GPATCH2L: variants seen among roughly 807,000 people sequenced by gnomAD.
GPATCH2L encodes G-patch domain containing 2 like, also known as G patch domain-containing protein 2-like.
GPATCH2L carries 31 observed loss-of-function variants against 57.4 expected under a neutral mutation model. The observed-to-expected ratio is 0.54, with a 90% CI of 0.41 to 0.73. The LOEUF is 0.73. Among genes scored for constraint, GPATCH2L ranks in the 30% least tolerant of loss-of-function variants. GPATCH2L has a pLI of 0.00. For synonymous variants in GPATCH2L, 199 were observed against 210.7 expected (o/e 0.94, Z 0.48); for missense variants, 481 against 599.9 (o/e 0.80, Z 2.07).
At chr14:76,221,497 G>A (rs2040515179) in intron 1 of GPATCH2L, among the ~76,000 whole-genome samples, 1 of 152,130 alleles carries the variant, frequency 6.6e-6, no homozygotes, top group African/African-American at 2.4e-5. Flanking sequence ...ATGCTTCCTG[G>A]TATTTATCCA....
rs754396466 is a variant in GPATCH2L, at chr14:76,180,867, G to C, written c.1193+18G>C. 3 of 1,468,192 alleles carry C rather than the reference G, an allele frequency of 2.0e-6. No homozygotes were observed. The highest frequency in any genetic ancestry group is 1.1e-5 in the South Asian group (1 of 88,198). The allele number at this position is 1,468,192 out of a possible 1,614,324, so 90.9% of individuals were successfully genotyped here. A position where few individuals can be genotyped will look rare whatever the true frequency, so the allele number is the denominator to read the frequency against. On this transcript the variant is annotated intron_variant, in intron 8 of 9. Coordinates refer to ENST00000261530, the MANE Select transcript of GPATCH2L (RefSeq NM_017926.4). ...TCTGCCAGGTAATTGTCTTTTAGTA[G>C]CGGTTATTTGCTTCTGGACAATACT...
chr14:76,232,114 A>G (rs1208231896), intron 2 of GPATCH2L, among the ~76,000 whole-genome samples: 1 of 82,952 alleles, frequency 1.2e-5, no homozygotes, highest in Non-Finnish European at 2.9e-5. Flanking sequence ...GTCTCACCAT[A>G]TTGCCTAGGC....
chr14:76,222,976 G>GA (rs1314092739), intron 1 of GPATCH2L, among the ~76,000 whole-genome samples: 1 of 147,478 alleles, frequency 6.8e-6, no homozygotes. Flanking sequence ...AAAAAAGAAA[G>GA]AAAAAAAAGT....
At chr14:76,167,525 G>A (rs924000386) in intron 3 of GPATCH2L, among the ~76,000 whole-genome samples, 1 of 152,162 alleles carries the variant, frequency 6.6e-6, no homozygotes, top group Admixed American at 6.5e-5. Flanking sequence ...ATCCAAGTAG[G>A]CTCCCCAGTA....
chr14:76,195,839 A>T (rs1479033797), intron 8 of GPATCH2L, 39 bp from the exon 9 acceptor site: 14 of 1,464,156 alleles, frequency 9.6e-6, no homozygotes, highest in Non-Finnish European at 1.1e-5. Flanking sequence ...AATAAGAATT[A>T]AAAAGTTCAA....
chr14:76,167,445 G>A (rs922032451), intron 3 of GPATCH2L, among the ~76,000 whole-genome samples: 4 of 151,974 alleles, frequency 2.6e-5, no homozygotes, highest in African/African-American at 7.3e-5. Context: ...TTCTCACTCC[G>A]AAGTCCAATA....
At chr14:76,230,976 G>GT (rs1270365886) in intron 2 of GPATCH2L, among the ~76,000 whole-genome samples, 4 of 152,274 alleles carry the variant, frequency 2.6e-5, no homozygotes, top group South Asian at 2.1e-4. Context: ...CCTGTGCCAT[G>GT]TTTTTTTATA....
rs531499346 is a variant in GPATCH2L, at chr14:76,197,665, A to G, written c.1288+1693A>G. Among the ~76,000 whole-genome samples, 30 of 152,172 alleles carry G rather than the reference A, an allele frequency of 2.0e-4. 1 individual carries two copies. Among genetic ancestry groups the G allele is most frequent in the African/African-American group, 6.5e-4 (27 of 41,504 alleles). Reference sequence around the variant, plus strand: ...GGCCATCTCGGATTCCACCTCTTTTATAGGAATGAGTGATGAAGAGAGGTG... The same window carrying G: ...GGCCATCTCGGATTCCACCTCTTTTGTAGGAATGAGTGATGAAGAGAGGTG... On this transcript the variant is annotated intron_variant, in intron 9 of 9. Transcript: ENST00000261530.
At chr14:76,192,761 C>T (rs1333075471) in intron 8 of GPATCH2L, among the ~76,000 whole-genome samples, 1 of 152,104 alleles carries the variant, frequency 6.6e-6, no homozygotes, top group Non-Finnish European at 1.5e-5. Context: ...AAATAGTCCA[C>T]AAAAGTATAT....
At chr14:76,168,586 G>A (rs760478049) in intron 3 of GPATCH2L, among the ~76,000 whole-genome samples, 28 of 152,236 alleles carry the variant, frequency 1.8e-4, no homozygotes, top group South Asian at 4.1e-4. Flanking sequence ...GATGATAGGC[G>A]GCATGGACTT....
At chr14:76,176,573 A>G (rs2039337173) in intron 5 of GPATCH2L, 50 bp from the exon 6 acceptor site, 2 of 1,234,594 alleles carry the variant, frequency 1.6e-6, no homozygotes, top group Non-Finnish European at 1.2e-6. Flanking sequence ...TGTACTTTAT[A>G]TGTTTGTTTC....
chr14:76,183,586 G>A (rs1186323240), intron 8 of GPATCH2L, among the ~76,000 whole-genome samples: 1 of 151,694 alleles, frequency 6.6e-6, no homozygotes, highest in African/African-American at 2.4e-5. Flanking sequence ...TTTTACTCAT[G>A]AGGGTGCACC....
At chr14:76,178,309 G>A (rs1251926742) in intron 7 of GPATCH2L, 15 of 1,345,970 alleles carry the variant, frequency 1.1e-5, no homozygotes, top group South Asian at 1.3e-5. Context: ...AAGCCTAAAC[G>A]TATGGAGCAG....
intron 2 of GPATCH2L, among the ~76,000 whole-genome samples, chr14:76,158,530 T>C (rs2038418096): frequency 6.6e-6 from 1 of 152,176 alleles, no homozygotes; most frequent in Non-Finnish European, 1.5e-5. Flanking sequence ...TAACCAAAGA[T>C]TGGGTGATCA....
chr14:76,222,224 T>G (rs1265441134), intron 1 of GPATCH2L, among the ~76,000 whole-genome samples: 3 of 152,200 alleles, frequency 2.0e-5, no homozygotes, highest in Non-Finnish European at 2.9e-5. Flanking sequence ...CTTCATATTC[T>G]AAGAATGTAA....
rs770654112 is a variant in GPATCH2L at position 76,173,540 on chromosome 14, T to A, written c.905-6T>A. On this transcript the variant is annotated splice_polypyrimidine_tract_variant and splice_region_variant and intron_variant, in intron 4 of 9. Transcript: ENST00000261530. ...TCGGTATCTGAGGCCTTCCTTCTTTTTTTAGGGTACCATACTCGCTTGAAT... is the reference window on the plus strand; with the variant it reads ...TCGGTATCTGAGGCCTTCCTTCTTTATTTAGGGTACCATACTCGCTTGAAT... 1 of 1,595,896 alleles carries A rather than the reference T, an allele frequency of 6.3e-7. No homozygotes were observed. Among genetic ancestry groups the A allele is most frequent in the South Asian group, 1.1e-5 (1 of 90,094 alleles).
chr14:76,228,118 T>TG (rs2040543871), intron 1 of GPATCH2L, among the ~76,000 whole-genome samples: 2 of 152,234 alleles, frequency 1.3e-5, no homozygotes, highest in South Asian at 4.1e-4. Context: ...CAAGACGGCT[T>TG]GTCTGGAACC....
chr14:76,172,117 T>C, intron 4 of GPATCH2L, 98 bp downstream of exon 4: 1 of 728,586 alleles, frequency 1.4e-6, no homozygotes. Context: ...CAATCACACA[T>C]TAACTATCTG....
chr14:76,156,833 A>C (rs894886362), intron 2 of GPATCH2L, among the ~76,000 whole-genome samples: 1 of 152,200 alleles, frequency 6.6e-6, no homozygotes, highest in Non-Finnish European at 1.5e-5. Flanking sequence ...CTCCAGATGC[A>C]GAGCCTGTTT....
Sources: gnomAD v4.1 joint callset for allele counts (sites outside exome capture counted in the v4.1 genomes callset) on GRCh38, gnomAD v4.1.1 for gene constraint, MANE v1.5 for transcripts, NCBI Gene and HGNC (gene_info 2026-07-23, HGNC 2026-07-21) for gene names.